Variants in PRKAR1A observed in about 807,000 individuals in gnomAD.
PRKAR1A encodes the protein cAMP-dependent protein kinase type I-alpha regulatory subunit.
A neutral mutation model predicts 52.0 loss-of-function variants in PRKAR1A; 3 were observed. The ratio of observed to expected loss-of-function variants is 0.06; its 90% CI spans 0.03 to 0.15. PRKAR1A has a LOEUF of 0.15. Ranked by LOEUF, PRKAR1A falls within the 10% of genes least tolerant of loss-of-function variation. The pLI, the probability that PRKAR1A is intolerant of heterozygous loss-of-function variation, is 1.00. For missense variants in PRKAR1A, 240 were observed against 477.4 expected (o/e 0.50, Z 4.63); for synonymous variants, 188 against 168.4 (o/e 1.12, Z -0.90).
At chr17:68,516,525 T>C (rs756430096) in intron 2 of PRKAR1A, among the ~76,000 whole-genome samples, 6 of 152,114 alleles carry the variant, frequency 3.9e-5, no homozygotes, top group African/African-American at 7.2e-5. Context: ...TCTTTTGGTA[T>C]ATGATTATCT....
chr17:68,431,156 G>A, the PRKAR1A span, among the ~76,000 whole-genome samples: 2 of 152,294 alleles, frequency 1.3e-5, no homozygotes, highest in African/African-American at 4.8e-5. Context: ...GAGAGAGCAC[G>A]GGTGTATACA....
chr17:68,451,683 T>A, the PRKAR1A span, among the ~76,000 whole-genome samples: 1,727 of 152,308 alleles, frequency 0.011, 31 homozygotes, highest in African/African-American at 0.039. Context: ...GGGGTGCCAA[T>A]ATGGGAGGGG....
chr17:68,516,811 T>C (rs778773880), intron 2 of PRKAR1A, among the ~76,000 whole-genome samples: 8 of 152,202 alleles, frequency 5.3e-5, no homozygotes, highest in Non-Finnish European at 1.0e-4. Context: ...CTTTCTCTTA[T>C]TTATGCAATT....
the PRKAR1A span, among the ~76,000 whole-genome samples, chr17:68,501,464 C>T: frequency 6.6e-6 from 1 of 152,120 alleles, no homozygotes; most frequent in Non-Finnish European, 1.5e-5. Flanking sequence ...CATTCTCTCT[C>T]TCTCTTTTTG....
At chr17:68,448,061 CT>C in the PRKAR1A span, among the ~76,000 whole-genome samples, 1 of 151,186 alleles carries the variant, frequency 6.6e-6, no homozygotes, top group Non-Finnish European at 1.5e-5. Context: ...TAACTTTTTC[CT>C]GTTTTTCAAA....
upstream of PRKAR1A, among the ~76,000 whole-genome samples, chr17:68,509,872 G>A (rs1307914945): frequency 6.6e-6 from 1 of 152,164 alleles, no homozygotes; most frequent in South Asian, 2.1e-4. Flanking sequence ...AATGGCCCGT[G>A]GCTGGACTGG....
chr17:68,550,494 C>A (rs2143644363), intron 11 of PRKAR1A, among the ~76,000 whole-genome samples: 1 of 150,286 alleles, frequency 6.7e-6, no homozygotes, highest in East Asian at 2.0e-4. Context: ...GATTCTTCTG[C>A]CTCAGCCTCT....
the PRKAR1A span, among the ~76,000 whole-genome samples, chr17:68,488,970 T>C: frequency 6.6e-6 from 1 of 151,354 alleles, no homozygotes; most frequent in Non-Finnish European, 1.5e-5. Context: ...TAAAGCACTT[T>C]ACACAATTTT....
At chr17:68,516,302 A>G (rs2085431586) in intron 2 of PRKAR1A, among the ~76,000 whole-genome samples, 1 of 152,214 alleles carries the variant, frequency 6.6e-6, no homozygotes, top group African/African-American at 2.4e-5. Context: ...GAATGCTTCA[A>G]TTCATCTCCC....
intron 11 of PRKAR1A, chr17:68,541,534 C>A (rs2086294465): frequency 5.3e-6 from 1 of 188,178 alleles, no homozygotes; most frequent in African/African-American, 2.4e-5. Context: ...GTGTGGAGTA[C>A]CTGCTATGTG....
the PRKAR1A span, among the ~76,000 whole-genome samples, chr17:68,476,270 A>T: frequency 1.3e-5 from 2 of 152,172 alleles, no homozygotes; most frequent in Non-Finnish European, 2.9e-5. Context: ...GTATGTTAAA[A>T]ACTCTCACTA....
At chr17:68,537,354 C>T, downstream of PRKAR1A, 1 of 1,269,346 alleles carries the variant, frequency 7.9e-7, no homozygotes, top group Non-Finnish European at 1.1e-6. The surrounding 1 kb of genome is among the most constrained non-coding windows in gnomAD (Gnocchi z 4.2). Context: ...AGAAAATGTC[C>T]TGCTTCCTTC....
the PRKAR1A span, chr17:68,425,849 C>T: frequency 1.1e-5 from 5 of 470,014 alleles, no homozygotes; most frequent in Middle Eastern, 5.8e-4. Flanking sequence ...GATTAGTATT[C>T]GGTGACTCTA....
In PRKAR1A at chr17:68,551,067, G is replaced by A. The variant is rs146572580; in HGVS notation, c.974-17G>A. The A allele has an allele frequency of 4.6e-4, 569 of 1,234,280 alleles. 1 individual carries two copies. Among genetic ancestry groups the A allele is most frequent in the Middle Eastern group, 2.7e-3 (13 of 4,840 alleles). The allele number at this position is 1,234,280 out of a possible 1,614,324, so 76.5% of individuals were successfully genotyped here. ...TGGGTAACGTGGCCCCTCTTGGGGC[G>A]ATTTTCTTTTCTGCAGGTCACCTCA... On this transcript the variant is annotated splice_polypyrimidine_tract_variant and intron_variant, in intron 11 of 11. Transcript: ENST00000585981.
chr17:68,436,318 T>A, the PRKAR1A span: 1 of 1,488,020 alleles, frequency 6.7e-7, no homozygotes, highest in Non-Finnish European at 9.4e-7. Flanking sequence ...TCCTTATCTA[T>A]CTCCTTCCAT....
Position 68,530,596 on chromosome 17 carries a change from C to A in PRKAR1A, c.*147C>A. 6.5e-7 allele frequency: 1 copy of A among 1,543,080 alleles called. No homozygotes were observed. On this transcript the variant is annotated 3_prime_UTR_variant, in exon 11 of 11. Transcript: ENST00000589228. ...TATATATTGAAAGTTGCTTTTATTG[C>A]ACCATTTTCAATTTGGAGCATTAAC...
At chr17:68,426,092 C>T in the PRKAR1A span, 8 of 1,612,786 alleles carry the variant, frequency 5.0e-6, no homozygotes, top group Admixed American at 3.3e-5. Flanking sequence ...AACTCATTCT[C>T]ATCATCAAGA....
intron 2 of PRKAR1A, among the ~76,000 whole-genome samples, chr17:68,519,305 C>T (rs1600471286): frequency 6.6e-6 from 1 of 152,180 alleles, no homozygotes; most frequent in East Asian, 1.9e-4. Flanking sequence ...ACTCACAGTT[C>T]CTCATGGCTG....
the PRKAR1A span, among the ~76,000 whole-genome samples, chr17:68,482,064 G>A: frequency 6.6e-6 from 1 of 152,204 alleles, no homozygotes; most frequent in East Asian, 1.9e-4. Context: ...GTGTGTTCCA[G>A]TGGGGGATGT....
Sources: allele counts gnomAD v4.1 joint callset (sites outside exome capture counted in the v4.1 genomes callset), GRCh38; gene constraint gnomAD v4.1.1; non-coding constraint Gnocchi (gnomAD v3.1); transcripts MANE v1.5; gene names NCBI Gene and HGNC (gene_info 2026-07-23, HGNC 2026-07-21).